BTBD9: variants seen among roughly 807,000 people sequenced by gnomAD.
BTBD9 encodes the protein BTB domain containing 9, also known as BTB/POZ domain-containing protein 9.
In BTBD9, 49 loss-of-function variants were observed where a neutral mutation model predicts 64.3. That is an observed-to-expected ratio of 0.76 (90% CI 0.61 to 0.97). BTBD9 has a LOEUF of 0.97. BTBD9 is among the 50% of genes least tolerant of loss of function. BTBD9 has a pLI of 0.00. For missense variants in BTBD9, 598 were observed against 762.1 expected (o/e 0.78, Z 2.53); for synonymous variants, 260 against 274.7 (o/e 0.95, Z 0.53).
chr6:38,350,794 G>A (rs1470025353), intron 6 of BTBD9, among the ~76,000 whole-genome samples: 1 of 152,196 alleles, frequency 6.6e-6, no homozygotes. Context: ...CACCTAACAA[G>A]AACTTAAGCT....
intron 6 of BTBD9, among the ~76,000 whole-genome samples, chr6:38,360,506 T>A (rs1040609417): frequency 6.6e-6 from 1 of 152,158 alleles, no homozygotes; most frequent in Non-Finnish European, 1.5e-5. Context: ...CATTCTGTTA[T>A]ATAAATTCCA....
intron 7 of BTBD9, among the ~76,000 whole-genome samples, chr6:38,311,198 A>ATTT (rs113937215): frequency 3.0e-4 from 42 of 141,374 alleles, no homozygotes; most frequent in African/African-American, 1.0e-3. Flanking sequence ...TATTCATCCT[A>ATTT]TTTTTTTTTT....
At chr6:38,543,918 C>T (rs369778997) in intron 6 of BTBD9, among the ~76,000 whole-genome samples, 1 of 150,182 alleles carries the variant, frequency 6.7e-6, no homozygotes, top group African/African-American at 2.5e-5. Flanking sequence ...GATCGCGCCA[C>T]TGCACTCCAA....
chr6:38,194,432 G>A (rs1762204894), intron 9 of BTBD9, among the ~76,000 whole-genome samples: 1 of 152,256 alleles, frequency 6.6e-6, no homozygotes, highest in Admixed American at 6.5e-5. Context: ...GCTGGTGACA[G>A]CTATTAGGTT....
chr6:38,453,090 A>G (rs1276829612), intron 6 of BTBD9, among the ~76,000 whole-genome samples: 1 of 152,190 alleles, frequency 6.6e-6, no homozygotes, highest in Non-Finnish European at 1.5e-5. Flanking sequence ...CCTTCATAAG[A>G]AGACCACAGA....
intron 2 of BTBD9, among the ~76,000 whole-genome samples, chr6:38,597,185 A>G (rs1281518852): frequency 2.6e-5 from 4 of 152,192 alleles, no homozygotes; most frequent in East Asian, 1.9e-4. Flanking sequence ...TAAAAGCCAG[A>G]CACTGCAGTT....
At chr6:38,616,760 A>C (rs1265616651) in intron 1 of BTBD9, among the ~76,000 whole-genome samples, 3 of 152,196 alleles carry the variant, frequency 2.0e-5, no homozygotes, top group African/African-American at 7.2e-5. Flanking sequence ...CTCAGCCAGC[A>C]GCAGCAACCC....
rs576377799 is a variant in BTBD9, at chr6:38,575,452, C to T, written c.1154+2148G>A. ...ACATACAAACGTGCAAATTAACTAA[C>T]ATAATGCAAACTGAACACTTACGTG... On this transcript the variant is annotated intron_variant, in intron 6 of 10. Transcript: ENST00000481247. Among the ~76,000 whole-genome samples, 6 of 152,246 alleles carry T rather than the reference C, an allele frequency of 3.9e-5. No homozygotes were observed. The East Asian group carries it at 7.7e-4, about 20-fold the overall frequency.
intron 7 of BTBD9, among the ~76,000 whole-genome samples, chr6:38,296,641 G>A (rs1166647360): frequency 6.6e-6 from 1 of 152,114 alleles, no homozygotes; most frequent in Non-Finnish European, 1.5e-5. Context: ...GTGTTTTGAA[G>A]TGTACCAGTC....
chr6:38,624,086 G>T (rs1554183284), intron 1 of BTBD9, among the ~76,000 whole-genome samples: 4 of 152,200 alleles, frequency 2.6e-5, no homozygotes, highest in Non-Finnish European at 5.9e-5. Flanking sequence ...ACTTGGGGAA[G>T]TTTCCTGTCT....
chr6:38,607,887 A>G (rs1777484079), intron 1 of BTBD9, among the ~76,000 whole-genome samples: 1 of 152,146 alleles, frequency 6.6e-6, no homozygotes, highest in South Asian at 2.1e-4. Context: ...TAACTATGAA[A>G]AAACAAACAG....
chr6:38,385,348 C>A (rs1367733305), intron 6 of BTBD9, among the ~76,000 whole-genome samples: 1 of 151,714 alleles, frequency 6.6e-6, no homozygotes, highest in Non-Finnish European at 1.5e-5. Context: ...TGGCACCACA[C>A]CTGGCTAATT....
rs139171416 is a variant in BTBD9, at chr6:38,573,812, G to A, written c.1154+3788C>T. 1.6e-3 allele frequency among the ~76,000 whole-genome samples: 249 copies of A among 152,206 alleles called. 2 individuals are homozygous for A. The highest frequency in any genetic ancestry group is 5.0e-3 in the Admixed American group (76 of 15,272). Reference sequence around the variant, plus strand: ...CTCAAAATTTTAAGAGCACCCCCCAGAGTACTCAATATCCACCATTCATTA... The same window carrying A: ...CTCAAAATTTTAAGAGCACCCCCCAAAGTACTCAATATCCACCATTCATTA... On this transcript the variant is annotated intron_variant, in intron 6 of 10. Coordinates refer to ENST00000481247, the MANE Select transcript of BTBD9 (RefSeq NM_001099272.2).
intron 6 of BTBD9, among the ~76,000 whole-genome samples, chr6:38,390,290 G>A (rs1766354993): frequency 6.6e-6 from 1 of 152,106 alleles, no homozygotes; most frequent in African/African-American, 2.4e-5. Flanking sequence ...TCACCATGTT[G>A]GCCAGGCTGG....
chr6:38,315,093 C>G (rs1330552313), intron 7 of BTBD9, among the ~76,000 whole-genome samples: 1 of 152,210 alleles, frequency 6.6e-6, no homozygotes, highest in South Asian at 2.1e-4. Context: ...CATGATCCGC[C>G]TGCCTCAGCC....
intron 4 of BTBD9, among the ~76,000 whole-genome samples, chr6:38,582,202 A>C (rs1321732056): frequency 6.6e-6 from 1 of 152,250 alleles, no homozygotes; most frequent in African/African-American, 2.4e-5. Context: ...CATCCTAGTT[A>C]TGCTTAACTT....
Position 38,417,775 on chromosome 6 carries a change from GGA to G in BTBD9, c.1155-72684_1155-72683del, listed in dbSNP as rs1554149267. On this transcript the variant is annotated intron_variant, in intron 6 of 10. Coordinates refer to ENST00000481247, the MANE Select transcript of BTBD9 (RefSeq NM_001099272.2). ...GTGACAGAGCAACACCCTGTCTCGA[GGA>G]GAGAGAGAGAGAGAGAGAGAGAGAA... Among the ~76,000 whole-genome samples the G allele has an allele frequency of 3.7e-5, 5 of 135,640 alleles. 1 individual carries two copies. Among genetic ancestry groups the G allele is most frequent in the Non-Finnish European group, 3.0e-5 (2 of 65,684 alleles). The allele number at this position is 135,640 out of a possible 152,430, so 89.0% of individuals were successfully genotyped here.
At chr6:38,268,529 C>T (rs758656151) in intron 8 of BTBD9, among the ~76,000 whole-genome samples, 9 of 152,288 alleles carry the variant, frequency 5.9e-5, no homozygotes, top group Non-Finnish European at 1.2e-4. Flanking sequence ...GATGAACGAC[C>T]GGCAAAACTC....
At chr6:38,378,010 T>C (rs1192826720) in intron 6 of BTBD9, among the ~76,000 whole-genome samples, 3 of 152,134 alleles carry the variant, frequency 2.0e-5, no homozygotes, top group African/African-American at 7.2e-5. Flanking sequence ...TATGTCTGCG[T>C]TGTCTAAATT....
Sources: gnomAD v4.1 joint callset for allele counts (sites outside exome capture counted in the v4.1 genomes callset) on GRCh38, gnomAD v4.1.1 for gene constraint, MANE v1.5 for transcripts, NCBI Gene and HGNC (gene_info 2026-07-23, HGNC 2026-07-21) for gene names.